Variants in RBBP8 observed in about 807,000 individuals in gnomAD.
RBBP8 encodes DNA endonuclease RBBP8.
A neutral mutation model predicts 108.3 loss-of-function variants in RBBP8; 88 were observed. The ratio of observed to expected loss-of-function variants is 0.81; its 90% CI spans 0.68 to 0.97. The LOEUF is 0.97. Among genes scored for constraint, RBBP8 ranks in the 50% least tolerant of loss-of-function variants. The pLI is 0.00. For missense variants in RBBP8, 1,023 were observed against 1,049.0 expected, an observed-to-expected ratio of 0.98 and a Z score of 0.34; for synonymous variants, 332 against 348.2, an observed-to-expected ratio of 0.95 and a Z score of 0.52.
At chr18:22,931,510 T>C (rs908303346), upstream of RBBP8, among the ~76,000 whole-genome samples, 7 of 152,224 alleles carry the variant, frequency 4.6e-5, no homozygotes, top group African/African-American at 1.7e-4. Context: ...GGAGGGAAGA[T>C]GTATTTTTAT....
At chr18:23,011,999 G>A (rs1051369321) in intron 16 of RBBP8, among the ~76,000 whole-genome samples, 25 of 151,784 alleles carry the variant, frequency 1.6e-4, no homozygotes, top group African/African-American at 5.8e-4. Flanking sequence ...TGAGCAAATC[G>A]AGACCAGCCT....
At position 23,022,663 on chromosome 18, in the gene RBBP8, T is replaced by TAAAATAAAATAAAATAAAAAAAATAA. The variant is rs1555650172; in HGVS notation, c.2596+401_2596+402insATAAAATAAAAAAAATAAAAAATAAA. 2.0e-3 allele frequency among the ~76,000 whole-genome samples: 202 copies of TAAAATAAAATAAAATAAAAAAAATAA among 99,590 alleles called. 39 individuals are homozygous for TAAAATAAAATAAAATAAAAAAAATAA. The highest frequency in any genetic ancestry group is 3.4e-3 in the East Asian group (13 of 3,798). 65.3% of individuals were successfully genotyped at this position (99,590 alleles called of 152,430 possible). A position where few individuals can be genotyped will look rare whatever the true frequency, so the allele number is the denominator to read the frequency against. On this transcript the variant is annotated intron_variant, in intron 18 of 18. Coordinates refer to ENST00000327155, the MANE Select transcript of RBBP8 (RefSeq NM_002894.3). The stretch of plus-strand genomic sequence containing the variant: ...AAATAAAATACAATATAAAATAAAA[T>TAAAATAAAATAAAATAAAAAAAATAA]AAAATAAATAACTGTATATGCCCAA...
At chr18:22,973,495 G>A (rs902541400) in intron 5 of RBBP8, among the ~76,000 whole-genome samples, 1 of 152,046 alleles carries the variant, frequency 6.6e-6, no homozygotes, top group Admixed American at 6.5e-5. Context: ...TTCTTCTACT[G>A]GTCTTTACTT....
intron 15 of RBBP8, among the ~76,000 whole-genome samples, chr18:23,006,096 G>T (rs558464148): frequency 1.3e-5 from 2 of 152,132 alleles, no homozygotes; most frequent in South Asian, 4.2e-4. Context: ...TGAGGCAAGA[G>T]GATGGCGTGA....
At chr18:22,933,783 C>G (rs1567942462) in intron 1 of RBBP8, 1 of 152,178 alleles carries the variant, frequency 6.6e-6, no homozygotes, top group Non-Finnish European at 1.5e-5. Context: ...GTCTCCCGCG[C>G]GGGCTGAGGA....
chr18:22,992,796 T>C lies in RBBP8; in HGVS notation c.969T>C (p.Thr323=). ...SKTPPQEELP[T]RVSSPVFGAT... ...CTCCTCCTCAAGAAGAATTACCTAC[T>C]CGAGTGTCATCTCCTGTATTTGGAG... Residue 323 remains threonine (T), a synonymous_variant, in exon 11 of 19, where the codon ACT becomes ACC. Coordinates refer to ENST00000327155, the MANE Select transcript of RBBP8 (RefSeq NM_002894.3). 1.9e-6 allele frequency: 3 copies of C among 1,605,248 alleles called. No individual in the cohort carries two copies. The highest frequency in any genetic ancestry group is 2.6e-6 in the Non-Finnish European group (3 of 1,172,074).
intron 12 of RBBP8, among the ~76,000 whole-genome samples, chr18:22,994,159 T>G (rs2045807113): frequency 6.7e-6 from 1 of 148,542 alleles, no homozygotes; most frequent in Admixed American, 6.7e-5. Flanking sequence ...TAGCTGGGAC[T>G]ATAGGCGCCC....
At chr18:22,944,933 C>G (rs1398093301) in intron 2 of RBBP8, among the ~76,000 whole-genome samples, 2 of 151,952 alleles carry the variant, frequency 1.3e-5, no homozygotes, top group African/African-American at 4.8e-5. Context: ...TTATGTTGTC[C>G]AAAAGATTGT....
intron 16 of RBBP8, among the ~76,000 whole-genome samples, chr18:23,008,203 A>C (rs2046092365): frequency 6.6e-6 from 1 of 152,134 alleles, no homozygotes; most frequent in African/African-American, 2.4e-5. Context: ...TTTGTTCTTA[A>C]AGCAAATTGA....
At chr18:23,012,258 A>G (rs1463818345) in intron 16 of RBBP8, among the ~76,000 whole-genome samples, 1 of 151,296 alleles carries the variant, frequency 6.6e-6, no homozygotes, top group Admixed American at 6.6e-5. Flanking sequence ...TTAAGTATAC[A>G]AGTGAAAGGA....
At position 22,943,974 on chromosome 18, in the gene RBBP8, G is replaced by T. The variant is rs1414126164; in HGVS notation, c.110-2470G>T. 3.3e-5 allele frequency among the ~76,000 whole-genome samples: 5 copies of T among 152,148 alleles called. No homozygotes were observed. In the South Asian group the frequency reaches 8.3e-4, roughly 25 times the overall value. On this transcript the variant is annotated intron_variant, in intron 2 of 18. Coordinates refer to ENST00000327155, the MANE Select transcript of RBBP8 (RefSeq NM_002894.3). ...AAGGTTAATTGTAGCACAGTGCTTGGTCTTGTGAACACTGTTTCCTCAATA... is the reference window on the plus strand; with the variant it reads ...AAGGTTAATTGTAGCACAGTGCTTGTTCTTGTGAACACTGTTTCCTCAATA...
Position 22,975,238 on chromosome 18 carries a change from C to A in RBBP8, c.428+19C>A, listed in dbSNP as rs1914416014. 1.2e-6 allele frequency: 2 copies of A among 1,611,380 alleles called. No homozygotes were observed. The highest frequency in any genetic ancestry group is 1.7e-6 in the Non-Finnish European group (2 of 1,178,668). On this transcript the variant is annotated intron_variant, in intron 6 of 18. Coordinates refer to ENST00000327155, the MANE Select transcript of RBBP8 (RefSeq NM_002894.3). Reference sequence around the variant, plus strand: ...AAATTGAGTAAGTATTTTCCTCCAACCTTGTTATTTTATTTTATTTAGCTA... The same window carrying A: ...AAATTGAGTAAGTATTTTCCTCCAAACTTGTTATTTTATTTTATTTAGCTA...
intron 16 of RBBP8, among the ~76,000 whole-genome samples, chr18:23,009,525 T>TTA (rs535005317): frequency 0.014 from 2,093 of 148,210 alleles, 28 homozygotes; most frequent in South Asian, 0.039. Flanking sequence ...ATAATGTATT[T>TTA]TATATATATA....
intron 17 of RBBP8, among the ~76,000 whole-genome samples, chr18:23,019,987 C>A (rs1178495627): frequency 6.6e-6 from 1 of 151,766 alleles, no homozygotes; most frequent in Non-Finnish European, 1.5e-5. Flanking sequence ...TGGTCTCGAT[C>A]TCCTGACCTC....
At chr18:22,919,133 G>A (rs1909481332) in intron 3 of RBBP8, among the ~76,000 whole-genome samples, 1 of 152,156 alleles carries the variant, frequency 6.6e-6, no homozygotes, top group Non-Finnish European at 1.5e-5. Flanking sequence ...CTGATTAATT[G>A]ATTAGGGAAT....
chr18:23,013,741 T>C (rs1362294868), intron 16 of RBBP8, among the ~76,000 whole-genome samples: 1 of 152,254 alleles, frequency 6.6e-6, no homozygotes, highest in Non-Finnish European at 1.5e-5. Flanking sequence ...TTTCAGTCCC[T>C]GAGCAAGGAC....
intron 4 of RBBP8, among the ~76,000 whole-genome samples, chr18:22,951,999 TAGAAC>T (rs1443619667): frequency 1.8e-4 from 27 of 152,002 alleles, no homozygotes; most frequent in Admixed American, 1.8e-3. Context: ...CAAAAGGAAA[TAGAAC>T]AGACAAATGT....
intron 16 of RBBP8, among the ~76,000 whole-genome samples, chr18:23,015,430 A>G (rs1026270642): frequency 6.6e-6 from 1 of 152,226 alleles, no homozygotes; most frequent in Non-Finnish European, 1.5e-5. Context: ...AGTGAAAGGC[A>G]GAAATAAGAA....
chr18:22,954,938 C>T (rs186782095), intron 4 of RBBP8, among the ~76,000 whole-genome samples: 59 of 152,302 alleles, frequency 3.9e-4, no homozygotes, highest in African/African-American at 1.4e-3. Context: ...TTACCTCCTA[C>T]CAGATCCCTC....
Sources: gnomAD v4.1 joint callset for allele counts (sites outside exome capture counted in the v4.1 genomes callset) on GRCh38, gnomAD v4.1.1 for gene constraint, MANE v1.5 for transcripts, NCBI Gene and HGNC (gene_info 2026-07-23, HGNC 2026-07-21) for gene names.